MYRFL: variants seen among roughly 807,000 people sequenced by gnomAD.
MYRFL encodes myelin regulatory factor-like protein.
In MYRFL, 88 loss-of-function variants were observed where a neutral mutation model predicts 109.4. The ratio of observed to expected loss-of-function variants is 0.80; its 90% CI spans 0.68 to 0.96. MYRFL has a LOEUF of 0.96. Among genes scored for constraint, MYRFL ranks in the 40% least tolerant of loss-of-function variants. The pLI is 0.00. For missense variants in MYRFL, 957 were observed against 954.9 expected, an observed-to-expected ratio of 1.00 and a Z score of -0.03; for synonymous variants, 324 against 320.9, an observed-to-expected ratio of 1.01 and a Z score of -0.10.
At chr12:69,921,633 A>G (rs900497404) in intron 13 of MYRFL, among the ~76,000 whole-genome samples, 33 of 152,360 alleles carry the variant, frequency 2.2e-4, no homozygotes, top group African/African-American at 5.5e-4. Flanking sequence ...ATGGATCCAT[A>G]AAGTCAGAGC....
chr12:69,955,523 T>A lies in MYRFL; in HGVS notation c.2450+86T>A, dbSNP rs562725630. 7.5e-6 allele frequency: 4 copies of A among 532,090 alleles called. No individual in the cohort carries two copies. In the East Asian group the frequency reaches 9.3e-5, roughly 12 times the overall value. 33.0% of individuals were successfully genotyped at this position (532,090 alleles called of 1,614,324 possible). A position where few individuals can be genotyped will look rare whatever the true frequency, so the allele number is the denominator to read the frequency against. ...ATTTACTTCACAATTTGGTCAGTCG[T>A]TAAGAGGCAGAAAGCTATCAGTTTG... On this transcript the variant is annotated intron_variant, in intron 22 of 24. Coordinates refer to ENST00000552032, the MANE Select transcript of MYRFL (RefSeq NM_182530.3).
At chr12:69,869,037 A>G (rs1311614964) in intron 2 of MYRFL, among the ~76,000 whole-genome samples, 1 of 152,226 alleles carries the variant, frequency 6.6e-6, no homozygotes, top group African/African-American at 2.4e-5. Flanking sequence ...GTAGGAAGAC[A>G]TATTCTTAAT....
At chr12:69,837,228 G>A (rs935455622) in intron 1 of MYRFL, among the ~76,000 whole-genome samples, 3 of 152,130 alleles carry the variant, frequency 2.0e-5, no homozygotes, top group South Asian at 2.1e-4. Context: ...ATTCTAGAAC[G>A]AGATGCCAAT....
intron 1 of MYRFL, among the ~76,000 whole-genome samples, chr12:69,835,628 C>T (rs940225177): frequency 2.0e-5 from 3 of 152,200 alleles, no homozygotes; most frequent in African/African-American, 7.2e-5. Flanking sequence ...AGAGAGAAGA[C>T]AATGATCCTC....
intron 8 of MYRFL, among the ~76,000 whole-genome samples, chr12:69,894,151 C>T (rs913453456): frequency 6.6e-6 from 1 of 151,700 alleles, no homozygotes; most frequent in African/African-American, 2.4e-5. Flanking sequence ...CATGAGCCAC[C>T]ATGCCTGGCT....
chr12:69,879,740 C>T (rs1885942172), intron 4 of MYRFL, among the ~76,000 whole-genome samples: 1 of 152,200 alleles, frequency 6.6e-6, no homozygotes, highest in Non-Finnish European at 1.5e-5. Context: ...GCAGCCTCAG[C>T]TAGACTACCC....
chr12:69,921,181 T>G (rs1259167181), intron 13 of MYRFL, among the ~76,000 whole-genome samples: 1 of 152,166 alleles, frequency 6.6e-6, no homozygotes, highest in African/African-American at 2.4e-5. Context: ...AAAATGCCCC[T>G]CAGCCCTAAT....
In MYRFL at chr12:69,958,754, T is replaced by C. The variant is rs1303573416; in HGVS notation, c.*223T>C. On this transcript the variant is annotated 3_prime_UTR_variant, in exon 25 of 25. Coordinates refer to ENST00000552032, the MANE Select transcript of MYRFL (RefSeq NM_182530.3). The stretch of plus-strand genomic sequence containing the variant: ...ATGTGATGTTTGATTTTGCCATGAC[T>C]ATGAAGAAAACATTTCCTGGAGCAA... The C allele has an allele frequency of 2.1e-6, 1 of 474,954 alleles. No individual in the cohort carries two copies. Among genetic ancestry groups the C allele is most frequent in the Non-Finnish European group, 3.7e-6 (1 of 271,188 alleles). 29.4% of individuals were successfully genotyped at this position (474,954 alleles called of 1,614,324 possible). A position where few individuals can be genotyped will look rare whatever the true frequency, so the allele number is the denominator to read the frequency against.
Position 69,825,383 on chromosome 12 carries a change from A to T in MYRFL, c.-135A>T, listed in dbSNP as rs1056496496. The T allele has an allele frequency of 4.3e-6, 3 of 694,910 alleles. No individual in the cohort carries two copies. In the African/African-American group the frequency reaches 5.3e-5, roughly 12 times the overall value. The allele number at this position is 694,910 out of a possible 1,614,324, so 43.0% of individuals were successfully genotyped here. ...TGGGCACAATTTGATGGCTGAAGAT[A>T]TGCTTCACTCCAATAAAAAGAAAAT... On this transcript the variant is annotated 5_prime_UTR_variant, in exon 1 of 25. It removes an upstream start codon present in the reference 5' UTR. Transcript: ENST00000552032.
intron 1 of MYRFL, among the ~76,000 whole-genome samples, chr12:69,835,718 C>A (rs1320382531): frequency 6.6e-6 from 1 of 152,156 alleles, no homozygotes; most frequent in Admixed American, 6.5e-5. Context: ...AAGTTCCTGA[C>A]ATGGAAGAGG....
At chr12:69,937,781 G>A (rs892027734) in intron 19 of MYRFL, among the ~76,000 whole-genome samples, 4 of 152,066 alleles carry the variant, frequency 2.6e-5, no homozygotes, top group African/African-American at 9.7e-5. Context: ...GAAATGTTGG[G>A]GTGCAATGTA....
chr12:69,838,874 G>T (rs534680421), intron 1 of MYRFL, among the ~76,000 whole-genome samples: 2 of 152,260 alleles, frequency 1.3e-5, no homozygotes, highest in East Asian at 3.9e-4. Flanking sequence ...CATGATAGAG[G>T]TTACATGATG....
intron 13 of MYRFL, 72 bp from the exon 14 acceptor site, chr12:69,926,495 TTGAA>T (rs1045053699): frequency 2.5e-6 from 3 of 1,215,804 alleles, no homozygotes; most frequent in Non-Finnish European, 3.2e-6. Context: ...CCAGCTGTCT[TTGAA>T]TGGGCTGTAG....
intron 11 of MYRFL, chr12:69,904,141 C>T (rs1032446269): frequency 1.4e-5 from 4 of 287,190 alleles, no homozygotes; most frequent in Non-Finnish European, 2.0e-5. Flanking sequence ...GCCCTTCCTT[C>T]CATACTTTGT....
intron 11 of MYRFL, chr12:69,904,188 C>A (rs1156912926): frequency 2.0e-5 from 4 of 203,720 alleles, no homozygotes; most frequent in Non-Finnish European, 3.0e-5. Context: ...TCTGTCTCCC[C>A]ACTCATCTTC....
intron 1 of MYRFL, among the ~76,000 whole-genome samples, chr12:69,831,420 A>G (rs1035241874): frequency 5.3e-5 from 8 of 152,184 alleles, no homozygotes; most frequent in Non-Finnish European, 7.3e-5. Flanking sequence ...ACTAATAATC[A>G]TAATAACTGT....
At chr12:69,841,949 A>T (rs146363844) in intron 1 of MYRFL, among the ~76,000 whole-genome samples, 1 of 152,308 alleles carries the variant, frequency 6.6e-6, no homozygotes, top group Non-Finnish European at 1.5e-5. Context: ...AGATGCTTGT[A>T]TTAGCCTCAT....
chr12:69,890,963 T>G lies in MYRFL; in HGVS notation c.708-8T>G. The G allele has an allele frequency of 6.9e-7, 1 of 1,445,716 alleles. No homozygotes were observed. Among genetic ancestry groups the G allele is most frequent in the South Asian group, 1.5e-5 (1 of 67,166 alleles). 89.6% of individuals were successfully genotyped at this position (1,445,716 alleles called of 1,614,324 possible). On this transcript the variant is annotated splice_polypyrimidine_tract_variant and splice_region_variant and intron_variant, in intron 6 of 24. Coordinates refer to ENST00000552032, the MANE Select transcript of MYRFL (RefSeq NM_182530.3). ...GTAAAACTGGTTTCTTGGTTTCTCT[T>G]TTCATAGACCTGATGTGGGCTATCG...
At chr12:69,885,032 GA>G (rs1886357892) in intron 5 of MYRFL, among the ~76,000 whole-genome samples, 1 of 151,430 alleles carries the variant, frequency 6.6e-6, no homozygotes, top group South Asian at 2.1e-4. Context: ...GAGAGAGGAA[GA>G]AAAAAAAGGA....
Sources: gnomAD v4.1 joint callset for allele counts (sites outside exome capture counted in the v4.1 genomes callset) on GRCh38, gnomAD v4.1.1 for gene constraint, MANE v1.5 for transcripts, NCBI Gene and HGNC (gene_info 2026-07-23, HGNC 2026-07-21) for gene names.